Variants in RNF115 observed in about 807,000 individuals in gnomAD.
RNF115 encodes E3 ubiquitin-protein ligase RNF115.
In RNF115, 31 loss-of-function variants were observed where a neutral mutation model predicts 39.2. That is an observed-to-expected ratio of 0.79 (90% CI 0.59 to 1.07). The LOEUF (loss-of-function observed/expected upper bound fraction) is 1.07. RNF115 is among the 50% of genes least tolerant of loss of function. The pLI is 0.00. For synonymous variants in RNF115, 124 were observed against 131.0 expected (o/e 0.95, Z 0.37); for missense variants, 384 against 381.7 (o/e 1.01, Z -0.05).
At chr1:145,795,117 C>A (rs1224252964) in intron 1 of RNF115, among the ~76,000 whole-genome samples, 4 of 151,906 alleles carry the variant, frequency 2.6e-5, no homozygotes, top group Non-Finnish European at 4.4e-5. Context: ...CGTGGTCTCG[C>A]TGACTTCAGG....
chr1:145,751,589 G>A lies in RNF115; in HGVS notation c.501-79C>T, dbSNP rs1571706534. On this transcript the variant is annotated intron_variant, in intron 5 of 8. Coordinates refer to ENST00000582693, the MANE Select transcript of RNF115 (RefSeq NM_014455.4). ...ACACCACAGAAAAAAATTGGCAGAGGGATCCTGTTCTCTCTCAGAGCTGGA... is the reference window on the plus strand; with the variant it reads ...ACACCACAGAAAAAAATTGGCAGAGAGATCCTGTTCTCTCTCAGAGCTGGA... 29 of 938,898 alleles carry A rather than the reference G, an allele frequency of 3.1e-5. 1 individual carries two copies. The South Asian group carries it at 4.3e-4, about 14-fold the overall frequency. The allele number at this position is 938,898 out of a possible 1,614,324, so 58.2% of individuals were successfully genotyped here.
intron 1 of RNF115, among the ~76,000 whole-genome samples, chr1:145,807,555 A>T (rs1177546367): frequency 1.3e-5 from 2 of 152,162 alleles, no homozygotes; most frequent in Non-Finnish European, 2.9e-5. Flanking sequence ...ATTACTTTCA[A>T]CCACTTTTTT....
chr1:145,763,440 G>A lies in RNF115; in HGVS notation c.428+8271C>T, dbSNP rs190492945. On this transcript the variant is annotated intron_variant, in intron 4 of 8. Coordinates refer to ENST00000582693, the MANE Select transcript of RNF115 (RefSeq NM_014455.4). ...GGGCTGGGCGCAGTGGCTCACGCCT[G>A]TAATCCCAACACCTTGGGAGGCCAA... Among the ~76,000 whole-genome samples, 92 of 152,346 alleles carry A rather than the reference G, an allele frequency of 6.0e-4. 1 individual carries two copies. The highest frequency in any genetic ancestry group is 1.9e-4 in the Non-Finnish European group (13 of 68,034).
intron 1 of RNF115, among the ~76,000 whole-genome samples, chr1:145,803,365 T>C (rs1649331870): frequency 6.6e-6 from 1 of 152,118 alleles, no homozygotes; most frequent in Non-Finnish European, 1.5e-5. Context: ...CCCCTAAGAA[T>C]AGTAACATTC....
chr1:145,756,943 C>T (rs1553713257), intron 4 of RNF115, among the ~76,000 whole-genome samples: 1 of 143,828 alleles, frequency 7.0e-6, no homozygotes, highest in African/African-American at 2.6e-5. Flanking sequence ...TTAAGCAATT[C>T]TCACGCCTCG....
At chr1:145,786,178 AACC>A (rs1648371754) in intron 2 of RNF115, among the ~76,000 whole-genome samples, 1 of 152,192 alleles carries the variant, frequency 6.6e-6, no homozygotes, top group Non-Finnish European at 1.5e-5. Context: ...GGATAATAAA[AACC>A]ACCACATTGT....
chr1:145,763,503 G>C (rs1241006986), intron 4 of RNF115, among the ~76,000 whole-genome samples: 1 of 152,194 alleles, frequency 6.6e-6, no homozygotes, highest in Non-Finnish European at 1.5e-5. Flanking sequence ...TTCGAGACCA[G>C]CCTGGCCAAC....
At chr1:145,811,996 T>A (rs1649748001) in intron 1 of RNF115, among the ~76,000 whole-genome samples, 1 of 133,428 alleles carries the variant, frequency 7.5e-6, no homozygotes, top group Non-Finnish European at 1.6e-5. Context: ...CTAAAGAGAG[T>A]ATTTCAAAAT....
chr1:145,770,425 A>G lies in RNF115; in HGVS notation c.428+1286T>C, dbSNP rs1198114419. 3.9e-5 allele frequency among the ~76,000 whole-genome samples: 6 copies of G among 152,194 alleles called. No individual in the cohort carries two copies. The East Asian group carries it at 1.2e-3, about 29-fold the overall frequency. Reference sequence around the variant, plus strand: ...AGAACTAAGATAATGGAAATTTTCTATAATATGTTCTGTCAAATATGATAA... The same window carrying G: ...AGAACTAAGATAATGGAAATTTTCTGTAATATGTTCTGTCAAATATGATAA... On this transcript the variant is annotated intron_variant, in intron 4 of 8. Coordinates refer to ENST00000582693, the MANE Select transcript of RNF115 (RefSeq NM_014455.4).
chr1:145,797,484 AT>A (rs1298883995), intron 1 of RNF115, among the ~76,000 whole-genome samples: 1 of 152,246 alleles, frequency 6.6e-6, no homozygotes, highest in African/African-American at 2.4e-5. Flanking sequence ...ATATGACAGG[AT>A]TTATTTCCTT....
chr1:145,756,353 G>A (rs1226658631), intron 4 of RNF115, among the ~76,000 whole-genome samples: 1 of 151,954 alleles, frequency 6.6e-6, no homozygotes, highest in African/African-American at 2.4e-5. Flanking sequence ...CCAGCTGCTC[G>A]GGAGGCTGAA....
chr1:145,786,183 C>T (rs782043870), intron 2 of RNF115, among the ~76,000 whole-genome samples: 2 of 152,134 alleles, frequency 1.3e-5, no homozygotes, highest in African/African-American at 4.8e-5. Flanking sequence ...ATAAAAACCA[C>T]CACATTGTTC....
chr1:145,772,640 T>C lies in RNF115; in HGVS notation c.220-721A>G, dbSNP rs782466631. ...TATATTTTACAAGTTGCTTCTCTCT[T>C]GCTGCTTCCAAGATTCTCTCTTTAT... On this transcript the variant is annotated intron_variant, in intron 3 of 8. Coordinates refer to ENST00000582693, the MANE Select transcript of RNF115 (RefSeq NM_014455.4). The C allele has an allele frequency of 5.9e-5, 9 of 152,356 alleles. No individual in the cohort carries two copies. In the South Asian group the frequency reaches 6.2e-4, roughly 11 times the overall value. 9.4% of individuals were successfully genotyped at this position (152,356 alleles called of 1,614,324 possible).
chr1:145,740,146 T>C lies in RNF115; in HGVS notation c.*6720A>G, dbSNP rs1657646792. 1 of 152,212 alleles carries C rather than the reference T, an allele frequency of 6.6e-6. No homozygotes were observed. 9.4% of individuals were successfully genotyped at this position (152,212 alleles called of 1,614,324 possible). A position where few individuals can be genotyped will look rare whatever the true frequency, so the allele number is the denominator to read the frequency against. On this transcript the variant is annotated 3_prime_UTR_variant, in exon 9 of 9. Coordinates refer to ENST00000582693, the MANE Select transcript of RNF115 (RefSeq NM_014455.4). ...CTCACATAGGTAGAGATGTCTTTTG[T>C]TTTTACTATTCAAATAATCTTCTGG...
chr1:145,796,428 CTT>C (rs35440164), intron 1 of RNF115, among the ~76,000 whole-genome samples: 130 of 146,624 alleles, frequency 8.9e-4, no homozygotes, highest in African/African-American at 2.0e-3. Context: ...CCCATCTTAA[CTT>C]TTTTTTTTTT....
chr1:145,793,939 G>T (rs1437379736), intron 1 of RNF115, among the ~76,000 whole-genome samples: 2 of 151,770 alleles, frequency 1.3e-5, no homozygotes, highest in Non-Finnish European at 2.9e-5. Flanking sequence ...TGCCTCCTGG[G>T]TTCAAGCAAT....
chr1:145,768,380 A>T (rs1647479690), intron 4 of RNF115, among the ~76,000 whole-genome samples: 1 of 152,194 alleles, frequency 6.6e-6, no homozygotes, highest in Non-Finnish European at 1.5e-5. Flanking sequence ...CAGTGGCGCA[A>T]TCTCGGCTCA....
intron 4 of RNF115, among the ~76,000 whole-genome samples, chr1:145,766,346 G>A (rs1190662598): frequency 6.6e-6 from 1 of 152,154 alleles, no homozygotes; most frequent in East Asian, 1.9e-4. Flanking sequence ...TAAGGCAGAA[G>A]AATTTTTCTT....
At chr1:145,769,859 T>C (rs1647555611) in intron 4 of RNF115, among the ~76,000 whole-genome samples, 1 of 151,532 alleles carries the variant, frequency 6.6e-6, no homozygotes, top group Non-Finnish European at 1.5e-5. Context: ...ATTGAAAAAT[T>C]AGCCAGGCGT....
Sources: allele counts gnomAD v4.1 joint callset (sites outside exome capture counted in the v4.1 genomes callset), GRCh38; gene constraint gnomAD v4.1.1; transcripts MANE v1.5; gene names NCBI Gene and HGNC (gene_info 2026-07-23, HGNC 2026-07-21).